MUC4: variants seen among roughly 807,000 people sequenced by gnomAD.
MUC4 encodes the protein mucin 4, cell surface associated.
Under a neutral mutation model 257.9 loss-of-function variants are expected in MUC4, and 202 were observed. The observed-to-expected ratio is 0.78, with a 90% CI of 0.70 to 0.88. MUC4 has a LOEUF of 0.88. Among genes scored for constraint, MUC4 ranks in the 40% least tolerant of loss-of-function variants. MUC4 has a pLI of 0.00. For synonymous variants in MUC4, 2,351 were observed against 2,757.1 expected (o/e 0.85, Z 4.62); for missense variants, 5,976 against 6,513.7 (o/e 0.92, Z 2.84).
At position 195,810,667 on chromosome 3, in the gene MUC4, G is replaced by T. The variant is rs78134029; in HGVS notation, c.82+1069C>A. Among the ~76,000 whole-genome samples the T allele has an allele frequency of 0.15, 23,028 of 151,968 alleles. 1,882 individuals are homozygous for T. The highest frequency in any genetic ancestry group is 0.18 in the Non-Finnish European group (12,026 of 67,936). On this transcript the variant is annotated intron_variant, in intron 1 of 24. Coordinates refer to ENST00000463781, the MANE Select transcript of MUC4 (RefSeq NM_018406.7). The surrounding 1 kb of genome is among the most constrained non-coding windows in gnomAD (Gnocchi z 4.2). Reference sequence around the variant, plus strand: ...AGCACCTCCCGGCCCTCTGCGCCCTGGCCGCCTCCTCCGCACCACCCTCCC... The same window carrying T: ...AGCACCTCCCGGCCCTCTGCGCCCTTGCCGCCTCCTCCGCACCACCCTCCC...
Position 195,788,750 on chromosome 3 carries a change from A to G in MUC4, c.2830T>C (p.Ser944Pro), listed in dbSNP as rs1477069544. 4 of 1,613,502 alleles carry G rather than the reference A, an allele frequency of 2.5e-6. No homozygotes were observed. Among genetic ancestry groups the G allele is most frequent in the East Asian group, 2.2e-5 (1 of 44,888 alleles). ...TVPPTPPSIT[S>P]TGLTSPQTET... is the part of the protein sequence containing the mutation. ...GTTTGTGGAGATGTAAGCCCAGTGG[A>G]TGTGATCGATGGAGGTGTGGGTGGG... is the stretch of plus-strand genomic sequence containing the variant. Residue 944 changes from serine (S) to proline (P), a missense_variant, in exon 2 of 25, where the codon TCC (serine) becomes CCC (proline). Transcript: ENST00000463781.
chr3:195,782,665 CCTGTGG>C lies in MUC4; in HGVS notation c.8909_8914del (p.Ser2970_Gly2972delinsCys). On this transcript the variant is annotated inframe_deletion, in exon 2 of 25. Coordinates refer to ENST00000463781, the MANE Select transcript of MUC4 (RefSeq NM_018406.7). Reference sequence around the variant, plus strand: ...GGTGTCAGGAAGAGGGGTGGCGTGACCTGTGGATGCTGAGGAAGTGTCGGTGACAGG... The same window carrying C: ...GGTGTCAGGAAGAGGGGTGGCGTGACATGCTGAGGAAGTGTCGGTGACAGG... 7.8e-7 allele frequency: 1 copy of C among 1,283,900 alleles called. No homozygotes were observed. Among genetic ancestry groups the C allele is most frequent in the Non-Finnish European group, 1.1e-6 (1 of 946,200 alleles). The allele number at this position is 1,283,900 out of a possible 1,614,324, so 79.5% of individuals were successfully genotyped here.
At chr3:195,762,027 G>T (rs375984222) in intron 14 of MUC4, 60 bp downstream of exon 14, 1 of 1,516,214 alleles carries the variant, frequency 6.6e-7, no homozygotes. Context: ...CCGCCGGCGT[G>T]GGGGTCCGAG....
chr3:195,793,405 G>A (rs2149047022), intron 1 of MUC4, among the ~76,000 whole-genome samples: 1 of 152,188 alleles, frequency 6.6e-6, no homozygotes, highest in East Asian at 1.9e-4. Context: ...AAAAGGCTGA[G>A]GCAGGAGAAT....
chr3:195,808,922 G>C (rs1736338759), intron 1 of MUC4, among the ~76,000 whole-genome samples: 1 of 152,180 alleles, frequency 6.6e-6, no homozygotes. Flanking sequence ...GGCCCATAAA[G>C]ACCCTTCCCC....
In MUC4 at chr3:195,780,098, T is replaced by C; in HGVS notation, c.11482A>G (p.Thr3828Ala). The change falls in exon 2 of 25, where the codon ACC (threonine) becomes GCC (alanine). Residue 3828 changes from threonine (T) to alanine (A), a missense_variant. By Grantham distance (58) the Thr-to-Ala change is moderately conservative. Coordinates refer to ENST00000463781, the MANE Select transcript of MUC4 (RefSeq NM_018406.7). ...STGDTTPLPVTDASSASTGHA... is the reference protein window; with the variant it reads ...STGDTTPLPVADASSASTGHA... ...CCTGTGGATGCTGAGGAAGCGTCGG[T>C]GACAGGAAGAGGGGTGGTGTCACCT... 1 of 789,932 alleles carries C rather than the reference T, an allele frequency of 1.3e-6. No individual in the cohort carries two copies. Among genetic ancestry groups the C allele is most frequent in the East Asian group, 1.0e-4 (1 of 10,002 alleles). The allele number at this position is 789,932 out of a possible 1,614,324, so 48.9% of individuals were successfully genotyped here.
chr3:195,763,391 TG>T (rs1415546275), intron 12 of MUC4, 41 bp downstream of exon 12: 1 of 1,396,064 alleles, frequency 7.2e-7, no homozygotes, highest in African/African-American at 1.5e-5. Flanking sequence ...TGAAGGTCCC[TG>T]TGGGTGGAAT....
At position 195,785,525 on chromosome 3, in the gene MUC4, C is replaced by T. The variant is rs779423925; in HGVS notation, c.6055G>A (p.Val2019Ile). The T allele has an allele frequency of 1.7e-5, 26 of 1,517,610 alleles. 3 individuals are homozygous for T. In the African/African-American group the frequency reaches 3.6e-4, roughly 21 times the overall value. The allele number at this position is 1,517,610 out of a possible 1,614,324, so 94.0% of individuals were successfully genotyped here. The change falls in exon 2 of 25, where the codon GTC becomes ATC. Residue 2019 changes from valine to isoleucine, a missense_variant. By Grantham distance (29) the Val-to-Ile change is conservative. This residue lies in a region of MUC4 where 51 missense variants were observed against 45.1 expected (regional missense o/e 1.13). Transcript: ENST00000463781. ...GTGGATGCTGAGGAAAGGCTGGTGACAGGAAGAGGGGTGGCCTGTCCTGTA... is the reference window on the plus strand; with the variant it reads ...GTGGATGCTGAGGAAAGGCTGGTGATAGGAAGAGGGGTGGCCTGTCCTGTA... ...VSTGQATPLP[V>I]TSLSSASTGD...
In MUC4 at chr3:195,757,548, G is replaced by A. The variant is rs192590598; in HGVS notation, c.14987-220C>T. Among the ~76,000 whole-genome samples the A allele has an allele frequency of 1.3e-5, 2 of 152,272 alleles. No homozygotes were observed. Among genetic ancestry groups the A allele is most frequent in the East Asian group, 1.9e-4 (1 of 5,174 alleles). On this transcript the variant is annotated intron_variant, in intron 17 of 24. Coordinates refer to ENST00000463781, the MANE Select transcript of MUC4 (RefSeq NM_018406.7). This position sits in a 1 kb window ranked among gnomAD's most constrained non-coding sequence, Gnocchi z 4.8. Reference sequence around the variant, plus strand: ...ACCAGTCCAACATACTGATTGTAGCGGGGAACGCCACAGAGGGGAAAGCAG... The same window carrying A: ...ACCAGTCCAACATACTGATTGTAGCAGGGAACGCCACAGAGGGGAAAGCAG...
chr3:195,791,424 C>T lies in MUC4; in HGVS notation c.156G>A (p.Ala52=), dbSNP rs754381712. The T allele has an allele frequency of 2.5e-5, 40 of 1,613,802 alleles. No individual in the cohort carries two copies. The highest frequency in any genetic ancestry group is 2.2e-4 in the Admixed American group (13 of 59,998). The part of the protein sequence containing the change: ...APVTSTGSTT[A]TLEGQSTAAS... ...CTGCAGTTGATTGTCCCTCTAGTGT[C>T]GCTGTTGTTGAGCCTGTTGAGGTGA... Residue 52 remains alanine, a synonymous_variant, in exon 2 of 25, where the codon GCG becomes GCA. Coordinates refer to ENST00000463781, the MANE Select transcript of MUC4 (RefSeq NM_018406.7).
In MUC4 at chr3:195,752,358, G is replaced by A. The variant is rs1321444038; in HGVS notation, c.15582+15C>T. ...AGCGCCCCCTCCCACCCAGAGCGCG[G>A]CCTGCAGCACTGACCGAGGCGTTGA... is the stretch of plus-strand genomic sequence containing the variant. On this transcript the variant is annotated intron_variant, in intron 21 of 24. Coordinates refer to ENST00000463781, the MANE Select transcript of MUC4 (RefSeq NM_018406.7). The A allele has an allele frequency of 1.2e-6, 2 of 1,608,856 alleles. No homozygotes were observed. The highest frequency in any genetic ancestry group is 2.7e-5 in the African/African-American group (2 of 74,862).
intron 5 of MUC4, 42 bp from the exon 6 acceptor site, chr3:195,770,413 C>T (rs1004188218): frequency 1.2e-6 from 2 of 1,608,482 alleles, no homozygotes; most frequent in Non-Finnish European, 1.7e-6. Flanking sequence ...ACGAGGGTCC[C>T]ACTCCTACAC....
intron 6 of MUC4, chr3:195,769,515 G>A (rs1298097310): frequency 1.2e-5 from 3 of 240,058 alleles, no homozygotes; most frequent in Admixed American, 4.9e-5. Flanking sequence ...TAGCTCCCGC[G>A]CGGATATTTA....
Position 195,764,024 on chromosome 3 carries a change from G to A in MUC4, c.14044+21C>T, listed in dbSNP as rs768799266. 2.5e-6 allele frequency: 4 copies of A among 1,604,624 alleles called. No individual in the cohort carries two copies. In the African/African-American group the frequency reaches 4.0e-5, roughly 16 times the overall value. ...TCCCCCTCCCCAGAGGCTCTTCCTG[G>A]GCCTGGGCCCTGTCGCTCACCGGGC... On this transcript the variant is annotated intron_variant, in intron 11 of 24. Coordinates refer to ENST00000463781, the MANE Select transcript of MUC4 (RefSeq NM_018406.7).
At chr3:195,801,496 C>T (rs1735307443) in intron 1 of MUC4, among the ~76,000 whole-genome samples, 1 of 152,074 alleles carries the variant, frequency 6.6e-6, no homozygotes, top group Non-Finnish European at 1.5e-5. Flanking sequence ...GTGTCTCCGA[C>T]GTTCTTTCTG....
intron 1 of MUC4, among the ~76,000 whole-genome samples, chr3:195,806,883 A>G (rs1736055863): frequency 6.6e-6 from 1 of 152,236 alleles, no homozygotes; most frequent in Non-Finnish European, 1.5e-5. Flanking sequence ...CAAGTGAATG[A>G]ACAACTCCAA....
rs1736492391 is a variant in MUC4, at chr3:195,810,015, T to G, written c.82+1721A>C. ...AGTCATGATTCCCGTGGAGACTCCT[T>G]CAACCACATCTGCAGGGCAGGGCCG... On this transcript the variant is annotated intron_variant, in intron 1 of 24. Coordinates refer to ENST00000463781, the MANE Select transcript of MUC4 (RefSeq NM_018406.7). The surrounding 1 kb of genome is among the most constrained non-coding windows in gnomAD (Gnocchi z 4.2). 6.6e-6 allele frequency: 1 copy of G among 152,072 alleles called. No individual in the cohort carries two copies. Among genetic ancestry groups the G allele is most frequent in the Non-Finnish European group, 1.5e-5 (1 of 68,116 alleles). The allele number at this position is 152,072 out of a possible 1,614,324, so 9.4% of individuals were successfully genotyped here.
At position 195,781,159 on chromosome 3, in the gene MUC4, GGAAGAGGGGTGGTGT is replaced by G. The variant is rs1560317180; in HGVS notation, c.10406_10420del (p.Asp3469_Pro3474delinsAla). On this transcript the variant is annotated inframe_deletion, in exon 2 of 25. Transcript: ENST00000463781. The stretch of plus-strand genomic sequence containing the variant: ...AGATGCTGAGGAAGGGCTGGTGACA[GGAAGAGGGGTGGTGT>G]CACCTGTGGATGCTGAGGAAGTGTC... 2.2e-5 allele frequency: 32 copies of G among 1,471,656 alleles called. No homozygotes were observed. Among genetic ancestry groups the G allele is most frequent in the Non-Finnish European group, 2.8e-5 (31 of 1,102,722 alleles). 91.2% of individuals were successfully genotyped at this position (1,471,656 alleles called of 1,614,324 possible). A position where few individuals can be genotyped will look rare whatever the true frequency, so the allele number is the denominator to read the frequency against.
rs760341199 is a variant in MUC4 at position 195,757,132 on chromosome 3, C to T, written c.15168+15G>A. 1.9e-6 allele frequency: 3 copies of T among 1,581,856 alleles called. No individual in the cohort carries two copies. Among genetic ancestry groups the T allele is most frequent in the South Asian group, 1.1e-5 (1 of 89,482 alleles). On this transcript the variant is annotated intron_variant, in intron 18 of 24. Coordinates refer to ENST00000463781, the MANE Select transcript of MUC4 (RefSeq NM_018406.7). This position sits in a 1 kb window ranked among gnomAD's most constrained non-coding sequence, Gnocchi z 4.8. Reference sequence around the variant, plus strand: ...CCTCGGCACAGAAACTCCTCCCCCACCTCCCAACACTCACCTCCAGGGAGG... The same window carrying T: ...CCTCGGCACAGAAACTCCTCCCCCATCTCCCAACACTCACCTCCAGGGAGG...
Sources: gnomAD v4.1 joint callset for allele counts (sites outside exome capture counted in the v4.1 genomes callset) on GRCh38, gnomAD v4.1.1 for gene constraint, gnomAD v4.1.1 regional missense constraint, Gnocchi (gnomAD v3.1) non-coding constraint, MANE v1.5 for transcripts, NCBI Gene and HGNC (gene_info 2026-07-23, HGNC 2026-07-21) for gene names.